The following RBFOX1 variants were observed in gnomAD, a reference collection of about 807,000 sequenced individuals.
RBFOX1 encodes RNA binding fox-1 homolog 1, also known as RNA binding protein fox-1 homolog 1.
RBFOX1 carries 8 observed loss-of-function variants against 57.7 expected under a neutral mutation model. The observed-to-expected ratio is 0.14, with a 90% confidence interval of 0.08 to 0.25. The LOEUF (loss-of-function observed/expected upper bound fraction) is 0.25, where lower values mean the gene tolerates loss of function less well. Among genes scored for constraint, RBFOX1 ranks in the 10% least tolerant of loss-of-function variants. The pLI, the probability that RBFOX1 is intolerant of heterozygous loss-of-function variation, is 1.00. For synonymous variants in RBFOX1, 326 were observed against 222.4 expected, an observed-to-expected ratio of 1.47 and a Z score of -4.15; for missense variants, 611 against 548.5, an observed-to-expected ratio of 1.11 and a Z score of -1.14.
chr16:7,364,997 AATCT>A (rs145126634), intron 4 of RBFOX1, among the ~76,000 whole-genome samples: 7,763 of 152,132 alleles, frequency 0.051, 254 homozygotes, highest in Non-Finnish European at 0.068. Flanking sequence ...TCTTTTGGGG[AATCT>A]ATCTGTCTGT....
At chr16:5,820,740 C>T (rs147279366) in intron 3 of RBFOX1, among the ~76,000 whole-genome samples, 7 of 152,318 alleles carry the variant, frequency 4.6e-5, no homozygotes, top group Admixed American at 2.6e-4. Context: ...ACCGTTCCCC[C>T]GTCTGTCTCC....
intron 1 of RBFOX1, among the ~76,000 whole-genome samples, chr16:6,313,397 G>A (rs2080628429): frequency 6.6e-6 from 1 of 152,170 alleles, no homozygotes; most frequent in Non-Finnish European, 1.5e-5. Flanking sequence ...GGAGGCAGGA[G>A]GAGATGGCAT....
intron 2 of RBFOX1, among the ~76,000 whole-genome samples, chr16:6,534,381 G>A (rs1227860764): frequency 2.6e-5 from 4 of 152,146 alleles, no homozygotes; most frequent in African/African-American, 9.6e-5. Flanking sequence ...AGGAGAAATT[G>A]GCCTATGGGG....
intron 1 of RBFOX1, among the ~76,000 whole-genome samples, chr16:5,307,968 G>A (rs571000565): frequency 1.2e-4 from 19 of 152,216 alleles, no homozygotes; most frequent in Admixed American, 9.2e-4. Context: ...TTGAACCACC[G>A]TGCCTGACTA....
intron 3 of RBFOX1, among the ~76,000 whole-genome samples, chr16:6,927,414 C>CAAAAAAAAAAAAAAAAAA (rs1194663760): frequency 7.5e-5 from 4 of 53,144 alleles, no homozygotes; most frequent in African/African-American, 4.3e-4. Flanking sequence ...CGCTTTCTCA[C>CAAAAAAAAAAAAAAAAAA]AAAAAAAAAA....
intron 4 of RBFOX1, among the ~76,000 whole-genome samples, chr16:7,397,034 T>C (rs1215001165): frequency 6.6e-6 from 1 of 152,232 alleles, no homozygotes; most frequent in African/African-American, 2.4e-5. Flanking sequence ...ATGTGAGCTT[T>C]AGGAGAACGT....
chr16:6,782,078 C>G (rs906366100), intron 3 of RBFOX1, among the ~76,000 whole-genome samples: 1 of 152,068 alleles, frequency 6.6e-6, no homozygotes, highest in Non-Finnish European at 1.5e-5. Context: ...ATGTTCTTGG[C>G]TCACTGCAAC....
At chr16:6,829,902 CTTTATT>C (rs2092577500) in intron 3 of RBFOX1, among the ~76,000 whole-genome samples, 1 of 148,060 alleles carries the variant, frequency 6.8e-6, no homozygotes, top group African/African-American at 2.6e-5. Flanking sequence ...ATGCCCAGCC[CTTTATT>C]TTTATTTTAT....
chr16:6,481,606 A>T (rs1046257016), intron 2 of RBFOX1, among the ~76,000 whole-genome samples: 3 of 152,192 alleles, frequency 2.0e-5, no homozygotes, highest in Non-Finnish European at 4.4e-5. Flanking sequence ...CTGTAATTGT[A>T]CAGGGTTCTG....
chr16:6,091,688 G>T (rs977716073), intron 1 of RBFOX1, among the ~76,000 whole-genome samples: 7 of 152,116 alleles, frequency 4.6e-5, no homozygotes, highest in South Asian at 2.1e-4. Flanking sequence ...AAATTAGCCA[G>T]GTGTGGTGTC....
intron 10 of RBFOX1, among the ~76,000 whole-genome samples, chr16:7,611,252 G>T (rs2057409058): frequency 6.6e-6 from 1 of 152,132 alleles, no homozygotes; most frequent in African/African-American, 2.4e-5. Context: ...TAGTTTAGTA[G>T]ACTTGTCCCT....
intron 4 of RBFOX1, among the ~76,000 whole-genome samples, chr16:5,960,350 C>A (rs988501168): frequency 6.6e-6 from 1 of 152,126 alleles, no homozygotes. Flanking sequence ...CACAGTCACA[C>A]GGATACGGAG....
intron 2 of RBFOX1, among the ~76,000 whole-genome samples, chr16:5,585,411 G>A (rs1177688773): frequency 6.6e-6 from 1 of 152,192 alleles, no homozygotes; most frequent in African/African-American, 2.4e-5. Flanking sequence ...TTCATCCAGT[G>A]ATGGACATCT....
intron 9 of RBFOX1, among the ~76,000 whole-genome samples, chr16:7,598,509 A>T (rs1290808828): frequency 6.6e-6 from 1 of 152,178 alleles, no homozygotes; most frequent in African/African-American, 2.4e-5. Flanking sequence ...GTAAAAAAAA[A>T]ATTAAAAGAA....
chr16:6,717,290 A>G (rs915073219), intron 3 of RBFOX1, among the ~76,000 whole-genome samples: 2 of 152,132 alleles, frequency 1.3e-5, no homozygotes, highest in South Asian at 4.1e-4. Context: ...ACTTGCATCT[A>G]ATTGAGCCGC....
chr16:6,042,866 G>T (rs2095453122), intron 1 of RBFOX1, among the ~76,000 whole-genome samples: 1 of 152,124 alleles, frequency 6.6e-6, no homozygotes, highest in African/African-American at 2.4e-5. Flanking sequence ...AAGATTTTCT[G>T]ATTGACAGTT....
chr16:6,397,377 G>A (rs2092883479), intron 2 of RBFOX1, among the ~76,000 whole-genome samples: 1 of 152,062 alleles, frequency 6.6e-6, no homozygotes. Context: ...GAAGCAAGAA[G>A]ACAATATAAT....
rs993975630 is a variant in RBFOX1 at position 6,097,009 on chromosome 16, A to T, written c.-127+77017A>T. 6.6e-6 allele frequency among the ~76,000 whole-genome samples: 1 copy of T among 151,978 alleles called. No homozygotes were observed. The highest frequency in any genetic ancestry group is 2.4e-5 in the African/African-American group (1 of 41,380). ...TTGAATTGTAGCTCCCATAATTCCC[A>T]TGTGTTGTGTGAGGGACTTCGTGGG... On this transcript the variant is annotated intron_variant, in intron 1 of 15. Coordinates refer to ENST00000550418, the MANE Select transcript of RBFOX1 (RefSeq NM_018723.4). The surrounding 1 kb of genome is among the most constrained non-coding windows in gnomAD (Gnocchi z 5.0).
chr16:5,481,906 C>T (rs1490720475), intron 2 of RBFOX1, among the ~76,000 whole-genome samples: 1 of 152,192 alleles, frequency 6.6e-6, no homozygotes, highest in African/African-American at 2.4e-5. Flanking sequence ...TAAGGGCCCA[C>T]CCTAATGACC....
Sources: gnomAD v4.1 joint callset for allele counts (sites outside exome capture counted in the v4.1 genomes callset) on GRCh38, gnomAD v4.1.1 for gene constraint, Gnocchi (gnomAD v3.1) non-coding constraint, MANE v1.5 for transcripts, NCBI Gene and HGNC (gene_info 2026-07-23, HGNC 2026-07-21) for gene names.